GLRA2: variants seen among roughly 807,000 people sequenced by gnomAD.
The protein encoded by GLRA2 is glycine receptor alpha 2.
Under a neutral mutation model 31.6 loss-of-function variants are expected in GLRA2, and 11 were observed. The observed-to-expected ratio is 0.35, with a 90% CI of 0.22 to 0.58. The LOEUF (loss-of-function observed/expected upper bound fraction) is 0.58, where lower values mean the gene tolerates loss of function less well. Ranked by LOEUF, GLRA2 falls within the 20% of genes least tolerant of loss-of-function variation. The pLI is 0.84. For synonymous variants in GLRA2, 132 were observed against 134.0 expected (o/e 0.99, Z 0.10); for missense variants, 212 against 351.8 (o/e 0.60, Z 3.18).
chrX:14,597,177 G>A (rs1257292290), intron 4 of GLRA2, among the ~76,000 whole-genome samples: 2 of 111,653 alleles, frequency 1.8e-5, no homozygotes, highest in Non-Finnish European at 3.8e-5. Context: ...GTACAACTGG[G>A]AGGAAAGATT....
chrX:14,619,575 T>G (rs939581747), intron 7 of GLRA2, among the ~76,000 whole-genome samples: 1 of 79,929 alleles, frequency 1.3e-5, no homozygotes, highest in African/African-American at 3.6e-5. Flanking sequence ...GACTACCTTC[T>G]CTACCTTCTC....
chrX:14,618,861 C>T (rs1337064931), intron 7 of GLRA2, among the ~76,000 whole-genome samples: 2 of 111,703 alleles, frequency 1.8e-5, no homozygotes, highest in African/African-American at 3.2e-5. Context: ...TTTCTTTACA[C>T]GACTGTACAC....
At chrX:14,503,293 G>A in the GLRA2 span, among the ~76,000 whole-genome samples, 20 of 111,073 alleles carry the variant, frequency 1.8e-4, no homozygotes, top group Non-Finnish European at 3.6e-4. Flanking sequence ...GCTGATTTAA[G>A]GAGTTTACAG....
chrX:14,620,288 G>A lies in GLRA2; in HGVS notation c.930+11083G>A, dbSNP rs760888099. Among the ~76,000 whole-genome samples the A allele has an allele frequency of 8.3e-5, 9 of 107,993 alleles. No individual in the cohort carries two copies. The South Asian group carries it at 1.8e-3, about 21-fold the overall frequency. 93.8% of individuals were successfully genotyped at this position (107,993 alleles called of 115,157 possible). Reference sequence around the variant, plus strand: ...TTTGGGGGTTTCTCGGTGTGCTGACGCAAGCCTCCATTGTCCCTTCTCGCT... The same window carrying A: ...TTTGGGGGTTTCTCGGTGTGCTGACACAAGCCTCCATTGTCCCTTCTCGCT... On this transcript the variant is annotated intron_variant, in intron 7 of 8. Coordinates refer to ENST00000218075, the MANE Select transcript of GLRA2 (RefSeq NM_002063.4).
At chrX:14,499,441 A>G in the GLRA2 span, among the ~76,000 whole-genome samples, 1 of 111,083 alleles carries the variant, frequency 9.0e-6, no homozygotes, top group Non-Finnish European at 1.9e-5. Flanking sequence ...ATTTCTTAAA[A>G]TACCTTGGAA....
intron 2 of GLRA2, among the ~76,000 whole-genome samples, chrX:14,549,581 A>G (rs1313293630): frequency 9.0e-6 from 1 of 111,638 alleles, no homozygotes; most frequent in Non-Finnish European, 1.9e-5. Flanking sequence ...TTAAGGTAAA[A>G]TTGCATCAGA....
intron 7 of GLRA2, among the ~76,000 whole-genome samples, chrX:14,631,547 T>C (rs995702437): frequency 7.3e-5 from 8 of 110,218 alleles, no homozygotes; most frequent in African/African-American, 2.6e-4. Context: ...TTGGAACAAT[T>C]TGATTTTTTT....
intron 2 of GLRA2, among the ~76,000 whole-genome samples, chrX:14,536,939 C>A (rs1294412142): frequency 5.4e-5 from 6 of 111,464 alleles, no homozygotes; most frequent in African/African-American, 2.0e-4. Flanking sequence ...GAGACATTAT[C>A]TTTTAATTAT....
At chrX:14,457,573 C>T in the GLRA2 span, among the ~76,000 whole-genome samples, 4 of 112,005 alleles carry the variant, frequency 3.6e-5, no homozygotes, top group Non-Finnish European at 5.6e-5. Flanking sequence ...TGTATATGTG[C>T]CACATTTTCT....
the GLRA2 span, among the ~76,000 whole-genome samples, chrX:14,462,392 C>T: frequency 9.0e-6 from 1 of 111,347 alleles, no homozygotes; most frequent in Non-Finnish European, 1.9e-5. Context: ...GAATGTTGGC[C>T]TGCCTTGCTA....
intron 8 of GLRA2, among the ~76,000 whole-genome samples, chrX:14,724,626 C>CAAAAAAAAAAAAAAAAAAAAAA (rs758722703): frequency 2.0e-5 from 1 of 49,583 alleles, no homozygotes; most frequent in African/African-American, 8.7e-5. Flanking sequence ...AACTCTGTCT[C>CAAAAAAAAAAAAAAAAAAAAAA]AAAAAAAAAA....
At chrX:14,452,050 C>T in the GLRA2 span, among the ~76,000 whole-genome samples, 30 of 111,775 alleles carry the variant, frequency 2.7e-4, no homozygotes, top group African/African-American at 8.8e-4. Flanking sequence ...ACTAAATGAC[C>T]GTTGGGTACT....
At chrX:14,576,443 A>G (rs2089959306) in intron 3 of GLRA2, among the ~76,000 whole-genome samples, 1 of 111,080 alleles carries the variant, frequency 9.0e-6, no homozygotes, top group Admixed American at 9.6e-5. Context: ...CTTTATCGTA[A>G]TAAGAGAGGG....
At chrX:14,542,353 C>T (rs1287957049) in intron 2 of GLRA2, among the ~76,000 whole-genome samples, 1 of 112,065 alleles carries the variant, frequency 8.9e-6, no homozygotes, top group Non-Finnish European at 1.9e-5. Flanking sequence ...GGAGACTTAA[C>T]ATTTAAATGT....
intron 7 of GLRA2, among the ~76,000 whole-genome samples, chrX:14,609,781 A>G (rs2090378482): frequency 9.0e-6 from 1 of 111,204 alleles, no homozygotes; most frequent in Non-Finnish European, 1.9e-5. Context: ...TTTTTGAGTG[A>G]CACAGTTACC....
intron 7 of GLRA2, among the ~76,000 whole-genome samples, chrX:14,622,482 T>G (rs574224513): frequency 1.8e-5 from 2 of 112,188 alleles, no homozygotes; most frequent in African/African-American, 6.5e-5. Flanking sequence ...CTTCTGGGGT[T>G]TTAGGTCTAA....
the GLRA2 span, among the ~76,000 whole-genome samples, chrX:14,491,676 T>C: frequency 6.3e-5 from 7 of 111,475 alleles, no homozygotes; most frequent in Non-Finnish European, 1.3e-4. Flanking sequence ...TGTGATGCTA[T>C]GGGTATGCAG....
In GLRA2 at chrX:14,672,939, T is replaced by C. The variant is rs924403400; in HGVS notation, c.931-17771T>C. Among the ~76,000 whole-genome samples the C allele has an allele frequency of 2.7e-5, 3 of 111,575 alleles. No individual in the cohort carries two copies. The Admixed American group carries it at 2.9e-4, about 11-fold the overall frequency. ...CCAAGAAGGGAAGGTGTCTGGCAAG[T>C]TGGCTCCTATCGAGACATCCTTGAT... is the stretch of plus-strand genomic sequence containing the variant. On this transcript the variant is annotated intron_variant, in intron 7 of 8. Coordinates refer to ENST00000218075, the MANE Select transcript of GLRA2 (RefSeq NM_002063.4).
chrX:14,552,608 G>A lies in GLRA2; in HGVS notation c.202+20236G>A, dbSNP rs544272336. ...GCCTAGGCAGGCTAATCGTGTCTGC[G>A]TTTGCAAATATACAGGTCATATGAC... On this transcript the variant is annotated intron_variant, in intron 2 of 8. Transcript: ENST00000218075. Among the ~76,000 whole-genome samples, 16 of 111,998 alleles carry A rather than the reference G, an allele frequency of 1.4e-4. No individual in the cohort carries two copies. In the South Asian group the frequency reaches 6.0e-3, roughly 42 times the overall value.
Sources: allele counts gnomAD v4.1 joint callset (sites outside exome capture counted in the v4.1 genomes callset), GRCh38; gene constraint gnomAD v4.1.1; transcripts MANE v1.5; gene names NCBI Gene and HGNC (gene_info 2026-07-23, HGNC 2026-07-21).